Variants in CNTNAP5 observed in about 807,000 individuals in gnomAD.
The protein encoded by CNTNAP5 is contactin-associated protein-like 5.
A neutral mutation model predicts 150.2 loss-of-function variants in CNTNAP5; 72 were observed. That is an observed-to-expected ratio of 0.48 (90% CI 0.40 to 0.58). The LOEUF is 0.58. CNTNAP5 is among the 20% of genes least tolerant of loss of function. The pLI is 0.00. For synonymous variants in CNTNAP5, 672 were observed against 619.8 expected, an observed-to-expected ratio of 1.08 and a Z score of -1.25; for missense variants, 1,636 against 1,626.2, an observed-to-expected ratio of 1.01 and a Z score of -0.10.
At chr2:124,444,242 A>G (rs912236984) in intron 5 of CNTNAP5, among the ~76,000 whole-genome samples, 2 of 152,018 alleles carry the variant, frequency 1.3e-5, no homozygotes, top group African/African-American at 2.4e-5. Flanking sequence ...GGCCGGTCTT[A>G]TAGCCAGTCT....
In CNTNAP5 at chr2:124,706,792, A is replaced by AGG. The variant is rs1558742981; in HGVS notation, c.2078-40437_2078-40436insGG. ...GAAGAAGAAGAAGAAGAAGAAGAAG[A>AGG]AGAAGGAGGAGGAGGAGGAGGAGGA... On this transcript the variant is annotated intron_variant, in intron 13 of 23. Coordinates refer to ENST00000682447, the MANE Select transcript of CNTNAP5 (RefSeq NM_001367498.1). 1.3e-3 allele frequency among the ~76,000 whole-genome samples: 33 copies of AGG among 24,530 alleles called. 1 individual carries two copies. The highest frequency in any genetic ancestry group is 1.8e-3 in the Non-Finnish European group (22 of 11,914). The allele number at this position is 24,530 out of a possible 152,430, so 16.1% of individuals were successfully genotyped here.
At chr2:124,244,964 T>A (rs192689963) in intron 3 of CNTNAP5, among the ~76,000 whole-genome samples, 229 of 152,334 alleles carry the variant, frequency 1.5e-3, no homozygotes, top group Middle Eastern at 0.014. Context: ...ACAACTAAGA[T>A]TTATTCCTAA....
intron 19 of CNTNAP5, among the ~76,000 whole-genome samples, chr2:124,833,821 T>G (rs796401662): frequency 6.6e-6 from 1 of 152,140 alleles, no homozygotes; most frequent in Non-Finnish European, 1.5e-5. Flanking sequence ...AGGCAAGAGC[T>G]AAGGTCATTC....
At chr2:124,884,010 C>T (rs1022193560) in intron 21 of CNTNAP5, among the ~76,000 whole-genome samples, 2 of 152,018 alleles carry the variant, frequency 1.3e-5, no homozygotes, top group Non-Finnish European at 1.5e-5. Flanking sequence ...CATGCCCATG[C>T]ACGTGCATAT....
chr2:124,853,645 C>A (rs1677279554), intron 19 of CNTNAP5, among the ~76,000 whole-genome samples: 1 of 152,092 alleles, frequency 6.6e-6, no homozygotes, highest in Non-Finnish European at 1.5e-5. Flanking sequence ...TTCTAATTAC[C>A]TCCACGCATT....
At chr2:124,866,439 T>A (rs1414285120) in intron 20 of CNTNAP5, among the ~76,000 whole-genome samples, 2 of 152,074 alleles carry the variant, frequency 1.3e-5, no homozygotes, top group African/African-American at 4.8e-5. Context: ...CATAATAGGC[T>A]GTGGGAAGGC....
At chr2:124,845,358 G>C (rs1683027279) in intron 19 of CNTNAP5, among the ~76,000 whole-genome samples, 1 of 150,918 alleles carries the variant, frequency 6.6e-6, no homozygotes, top group Non-Finnish European at 1.5e-5. Context: ...TTATCTTTTT[G>C]ATATGTTGTT....
chr2:124,709,054 G>A (rs946935378), intron 13 of CNTNAP5, among the ~76,000 whole-genome samples: 16 of 152,098 alleles, frequency 1.1e-4, no homozygotes, highest in Admixed American at 9.8e-4. Flanking sequence ...ACTGTGCAGT[G>A]GGCAGTATCT....
At chr2:124,534,821 G>A (rs1310293830) in intron 10 of CNTNAP5, among the ~76,000 whole-genome samples, 1 of 152,184 alleles carries the variant, frequency 6.6e-6, no homozygotes, top group African/African-American at 2.4e-5. Context: ...TGTTTTATCA[G>A]CAGGGTCTTT....
chr2:124,348,847 G>A (rs974877619), intron 3 of CNTNAP5, among the ~76,000 whole-genome samples: 2 of 152,142 alleles, frequency 1.3e-5, no homozygotes, highest in African/African-American at 2.4e-5. Context: ...GAGTGCATAT[G>A]TGTGTGTGCA....
chr2:124,650,542 C>T (rs1337290849), intron 13 of CNTNAP5, among the ~76,000 whole-genome samples: 1 of 152,158 alleles, frequency 6.6e-6, no homozygotes, highest in Non-Finnish European at 1.5e-5. Flanking sequence ...TCATTCCCTT[C>T]CCAAGAGGAA....
At chr2:124,069,979 C>T (rs527870776) in intron 1 of CNTNAP5, among the ~76,000 whole-genome samples, 1 of 152,106 alleles carries the variant, frequency 6.6e-6, no homozygotes, top group African/African-American at 2.4e-5. Context: ...ATGGCAACAA[C>T]ATTTTAAAAC....
At chr2:124,599,334 T>C (rs922823564) in intron 11 of CNTNAP5, among the ~76,000 whole-genome samples, 3 of 152,186 alleles carry the variant, frequency 2.0e-5, no homozygotes, top group Admixed American at 6.5e-5. Flanking sequence ...TCAACAAATA[T>C]CTATAGTTGT....
intron 1 of CNTNAP5, among the ~76,000 whole-genome samples, chr2:124,152,602 G>A (rs1684432692): frequency 6.6e-6 from 1 of 152,126 alleles, no homozygotes; most frequent in Non-Finnish European, 1.5e-5. Flanking sequence ...GAGGTTTTGT[G>A]GAGGGAGAGA....
At chr2:124,644,554 T>G (rs1030697943) in intron 12 of CNTNAP5, among the ~76,000 whole-genome samples, 33 of 152,312 alleles carry the variant, frequency 2.2e-4, no homozygotes, top group African/African-American at 7.2e-4. Context: ...GATGAATTAA[T>G]ATATGGATAT....
intron 20 of CNTNAP5, among the ~76,000 whole-genome samples, chr2:124,866,832 C>T (rs1296366864): frequency 6.6e-6 from 1 of 152,076 alleles, no homozygotes; most frequent in Non-Finnish European, 1.5e-5. Context: ...CCTGGTTGAC[C>T]ATTTTACACT....
At chr2:124,706,751 A>AGAG (rs1355874382) in intron 13 of CNTNAP5, among the ~76,000 whole-genome samples, 11 of 20,276 alleles carry the variant, frequency 5.4e-4, no homozygotes, top group African/African-American at 2.6e-3. Flanking sequence ...TGTTTCAAGA[A>AGAG]GAAGAAGAAG....
At chr2:124,575,055 G>A (rs1450011804) in intron 11 of CNTNAP5, among the ~76,000 whole-genome samples, 1 of 151,896 alleles carries the variant, frequency 6.6e-6, no homozygotes, top group African/African-American at 2.4e-5. Flanking sequence ...TTCTTCTCAT[G>A]TATTTACATC....
chr2:124,791,486 T>C (rs11904832), intron 18 of CNTNAP5, among the ~76,000 whole-genome samples: 13,589 of 152,072 alleles, frequency 0.089, 1,136 homozygotes, highest in African/African-American at 0.22. Context: ...TGTGAATGCT[T>C]CCCTTTGAGC....
Sources: allele counts gnomAD v4.1 joint callset (sites outside exome capture counted in the v4.1 genomes callset), GRCh38; gene constraint gnomAD v4.1.1; transcripts MANE v1.5; gene names NCBI Gene and HGNC (gene_info 2026-07-23, HGNC 2026-07-21).